EIF4G3: variants seen among roughly 807,000 people sequenced by gnomAD.
The protein encoded by EIF4G3 is eukaryotic translation initiation factor 4 gamma 3, also known as eIF-4-gamma 3.
Under a neutral mutation model 186.4 loss-of-function variants are expected in EIF4G3, and 34 were observed. That is an observed-to-expected ratio of 0.18 (90% CI 0.14 to 0.24). The LOEUF (loss-of-function observed/expected upper bound fraction) is 0.24, where lower values mean the gene tolerates loss of function less well. Among genes scored for constraint, EIF4G3 ranks in the 10% least tolerant of loss-of-function variants. EIF4G3 has a pLI of 1.00. For missense variants in EIF4G3, 1,536 were observed against 1,948.5 expected, an observed-to-expected ratio of 0.79 and a Z score of 3.99; for synonymous variants, 673 against 679.5, an observed-to-expected ratio of 0.99 and a Z score of 0.15.
intron 21 of EIF4G3, 71 bp downstream of exon 21, chr1:20,865,045 C>G: frequency 6.4e-7 from 1 of 1,566,372 alleles, no homozygotes; most frequent in Non-Finnish European, 8.7e-7. Context: ...GATGCTGTAT[C>G]TAGCTTCCTG....
chr1:21,108,998 G>A (rs865801368), intron 2 of EIF4G3, among the ~76,000 whole-genome samples: 2 of 151,206 alleles, frequency 1.3e-5, no homozygotes, highest in East Asian at 1.9e-4. Flanking sequence ...CGGGTGGATC[G>A]CATGAGGCAA....
chr1:20,941,250 G>A lies in EIF4G3; in HGVS notation c.1663+241C>T, dbSNP rs1459965405. On this transcript the variant is annotated intron_variant, in intron 14 of 36. Transcript: ENST00000602326. ...AACAACAAAACCCAACATGTTTCGT[G>A]ACATATACCTTGGAGGCATTTTGTA... is the stretch of plus-strand genomic sequence containing the variant. 3 of 1,544,744 alleles carry A rather than the reference G, an allele frequency of 1.9e-6. No individual in the cohort carries two copies. In the African/African-American group the frequency reaches 4.1e-5, roughly 21 times the overall value.
chr1:20,955,152 T>C (rs2096373133), intron 12 of EIF4G3, among the ~76,000 whole-genome samples: 1 of 152,182 alleles, frequency 6.6e-6, no homozygotes, highest in African/African-American at 2.4e-5. Flanking sequence ...CCAAGGGTTT[T>C]TGGTCTTTAT....
intron 14 of EIF4G3, among the ~76,000 whole-genome samples, chr1:20,909,577 GTTATT>G (rs539991441): frequency 2.0e-4 from 31 of 151,906 alleles, no homozygotes; most frequent in Admixed American, 3.9e-4. Context: ...AACATTTTGG[GTTATT>G]TTATTTCCGA....
At chr1:20,865,362 C>G (rs2077325316) in intron 20 of EIF4G3, 100 bp from the exon 21 acceptor site, 1 of 1,330,302 alleles carries the variant, frequency 7.5e-7, no homozygotes, top group African/African-American at 1.5e-5. Flanking sequence ...GACTGAACCA[C>G]AGGTAAGCAT....
At chr1:21,126,512 T>G (rs1421367708) in intron 2 of EIF4G3, among the ~76,000 whole-genome samples, 1 of 151,962 alleles carries the variant, frequency 6.6e-6, no homozygotes, top group Non-Finnish European at 1.5e-5. Context: ...AGTAAACAGC[T>G]AGGCAGGGTA....
At chr1:21,140,350 A>G (rs959514789) in intron 2 of EIF4G3, among the ~76,000 whole-genome samples, 14 of 152,046 alleles carry the variant, frequency 9.2e-5, no homozygotes, top group Admixed American at 7.2e-4. Context: ...GTCTTGCTCT[A>G]CTGCCCAGGC....
chr1:20,950,187 T>G, intron 12 of EIF4G3, 76 bp from the exon 13 acceptor site: 1 of 1,091,864 alleles, frequency 9.2e-7, no homozygotes, highest in Non-Finnish European at 1.3e-6. Flanking sequence ...CCCAAGCAAG[T>G]AGGGAAGACA....
intron 2 of EIF4G3, among the ~76,000 whole-genome samples, chr1:21,136,254 C>G (rs548051715): frequency 2.7e-5 from 4 of 150,608 alleles, no homozygotes; most frequent in Non-Finnish European, 5.9e-5. Context: ...CATGGTGGCT[C>G]ACGCCTGTAA....
intron 2 of EIF4G3, chr1:21,168,142 G>A (rs74580828): frequency 0.11 from 49,784 of 436,128 alleles, 3,932 homozygotes; most frequent in East Asian, 0.27. Context: ...GGTGGCTCAC[G>A]CCTGTAATCC....
chr1:20,947,811 A>G (rs896503356), intron 13 of EIF4G3, among the ~76,000 whole-genome samples: 1 of 152,200 alleles, frequency 6.6e-6, no homozygotes, highest in Admixed American at 6.5e-5. Flanking sequence ...CACCAGTTAG[A>G]TATGTTGATG....
At position 20,885,177 on chromosome 1, in the gene EIF4G3, G is replaced by A. The variant is rs145904442; in HGVS notation, c.2424+1024C>T. On this transcript the variant is annotated intron_variant, in intron 19 of 36. Coordinates refer to ENST00000602326, the MANE Select transcript of EIF4G3 (RefSeq NM_001391906.1). ...CCCGTTCCCAACAGGCCACTGACTG[G>A]TACTAGGGGTTGGGGATCCCCTGCT... Among the ~76,000 whole-genome samples, 1,082 of 152,240 alleles carry A rather than the reference G, an allele frequency of 7.1e-3. 8 individuals carry two copies. Among genetic ancestry groups the A allele is most frequent in the Middle Eastern group, 0.017 (5 of 294 alleles).
rs763639751 is a variant in EIF4G3 at position 20,899,694 on chromosome 1, T to C, written c.1999+3A>G. 1.9e-6 allele frequency: 3 copies of C among 1,614,060 alleles called. No individual in the cohort carries two copies. Among genetic ancestry groups the C allele is most frequent in the South Asian group, 2.2e-5 (2 of 91,068 alleles). Reference sequence around the variant, plus strand: ...GTACATAGGAAGGCAGGTATAAACTTACCTGGTTTAAATGGAAATGTAACC... The same window carrying C: ...GTACATAGGAAGGCAGGTATAAACTCACCTGGTTTAAATGGAAATGTAACC... On this transcript the variant is annotated splice_donor_region_variant and intron_variant, in intron 16 of 36. Transcript: ENST00000602326.
chr1:20,879,279 T>C, intron 20 of EIF4G3, 44 bp downstream of exon 20: 1 of 1,489,702 alleles, frequency 6.7e-7, no homozygotes, highest in Non-Finnish European at 9.0e-7. Context: ...GGGGAGAATA[T>C]ACCTCTTGAA....
intron 33 of EIF4G3, among the ~76,000 whole-genome samples, chr1:20,821,124 T>C (rs1023204868): frequency 6.6e-6 from 1 of 152,226 alleles, no homozygotes; most frequent in African/African-American, 2.4e-5. Flanking sequence ...GAGATCCCGT[T>C]AACACTACTG....
chr1:20,841,172 G>GAACTTATATTTAACATATTTTATTTAA, intron 29 of EIF4G3, 144 bp from the exon 30 acceptor site: 1 of 762,254 alleles, frequency 1.3e-6, no homozygotes, highest in Non-Finnish European at 2.0e-6. Context: ...GTTTATATTT[G>GAACTTATATTTAACATATTTTATTTAA]TTTAACATAA....
At chr1:20,854,801 T>C (rs2074412139) in intron 26 of EIF4G3, among the ~76,000 whole-genome samples, 177 bp downstream of exon 26, 1 of 152,072 alleles carries the variant, frequency 6.6e-6, no homozygotes, top group Non-Finnish European at 1.5e-5. Flanking sequence ...TACTTAAAAT[T>C]ATTTAAGGAT....
At chr1:20,882,764 C>G (rs115633447) in intron 19 of EIF4G3, among the ~76,000 whole-genome samples, 3 of 151,782 alleles carry the variant, frequency 2.0e-5, no homozygotes, top group Non-Finnish European at 4.4e-5. Flanking sequence ...CCACTGCACT[C>G]CAGCCTGGGC....
chr1:21,014,470 C>T (rs1427519008), intron 4 of EIF4G3, among the ~76,000 whole-genome samples: 1 of 152,096 alleles, frequency 6.6e-6, no homozygotes, highest in African/African-American at 2.4e-5. Flanking sequence ...TCACCCTCCT[C>T]CCACCATCCA....
Sources: allele counts gnomAD v4.1 joint callset (sites outside exome capture counted in the v4.1 genomes callset), GRCh38; gene constraint gnomAD v4.1.1; transcripts MANE v1.5; gene names NCBI Gene and HGNC (gene_info 2026-07-23, HGNC 2026-07-21).